The following SLC25A36 variants were observed in gnomAD, a reference collection of about 807,000 sequenced individuals.
SLC25A36 encodes the protein solute carrier family 25 member 36.
SLC25A36 carries 24 observed loss-of-function variants against 35.3 expected under a neutral mutation model. That is an observed-to-expected ratio of 0.68 (90% CI 0.49 to 0.96). SLC25A36 has a LOEUF of 0.96. Among genes scored for constraint, SLC25A36 ranks in the 40% least tolerant of loss-of-function variants. The pLI is 0.00. For missense variants in SLC25A36, 294 were observed against 381.1 expected, an observed-to-expected ratio of 0.77 and a Z score of 1.90; for synonymous variants, 141 against 132.2, an observed-to-expected ratio of 1.07 and a Z score of -0.46.
intron 1 of SLC25A36, among the ~76,000 whole-genome samples, chr3:140,954,499 C>A (rs1436075882): frequency 6.6e-6 from 1 of 152,166 alleles, no homozygotes; most frequent in African/African-American, 2.4e-5. Flanking sequence ...ATTTTTAATT[C>A]CCACCAGCAG....
chr3:140,957,714 C>G (rs111318995), intron 2 of SLC25A36, among the ~76,000 whole-genome samples: 11,374 of 152,094 alleles, frequency 0.075, 534 homozygotes, highest in East Asian at 0.17. Context: ...GTATTCCAGT[C>G]TGGGTGATAC....
At position 140,979,987 on chromosome 3, in the gene SLC25A36, C is replaced by A. The variant is rs977723776; in HGVS notation, c.*3534C>A. On this transcript the variant is annotated 3_prime_UTR_variant, in exon 7 of 7. Coordinates refer to ENST00000324194, the MANE Select transcript of SLC25A36 (RefSeq NM_001104647.3). The stretch of plus-strand genomic sequence containing the variant: ...CAACATTTTATTGAGAACATAATCA[C>A]ACTTTTTTGGATTATCCTATGTGTG... 1 of 152,120 alleles carries A rather than the reference C, an allele frequency of 6.6e-6. No individual in the cohort carries two copies. Among genetic ancestry groups the A allele is most frequent in the East Asian group, 1.9e-4 (1 of 5,206 alleles). 9.4% of individuals were successfully genotyped at this position (152,120 alleles called of 1,614,324 possible). A position where few individuals can be genotyped will look rare whatever the true frequency, so the allele number is the denominator to read the frequency against.
intron 4 of SLC25A36, among the ~76,000 whole-genome samples, chr3:140,969,303 A>T (rs1934842271): frequency 2.0e-5 from 3 of 151,834 alleles, no homozygotes; most frequent in Admixed American, 2.0e-4. Context: ...GAATATATGC[A>T]TGAAAAGAAC....
In SLC25A36 at chr3:140,979,444, G is replaced by A. The variant is rs767493295; in HGVS notation, c.*2991G>A. The stretch of plus-strand genomic sequence containing the variant: ...ACATGCTCTTCTGCCCAGACTGTTA[G>A]TAATCTAGGGACCCCCTTTGGAGCT... On this transcript the variant is annotated 3_prime_UTR_variant, in exon 7 of 7. Transcript: ENST00000324194. The A allele has an allele frequency of 6.6e-6, 1 of 152,094 alleles. No individual in the cohort carries two copies. The highest frequency in any genetic ancestry group is 1.5e-5 in the Non-Finnish European group (1 of 68,002). 9.4% of individuals were successfully genotyped at this position (152,094 alleles called of 1,614,324 possible). A position where few individuals can be genotyped will look rare whatever the true frequency, so the allele number is the denominator to read the frequency against.
rs554439183 is a variant in SLC25A36, at chr3:140,979,280, C to A, written c.*2827C>A. 1.2e-4 allele frequency: 19 copies of A among 152,312 alleles called. No individual in the cohort carries two copies. The highest frequency in any genetic ancestry group is 3.8e-4 in the African/African-American group (16 of 41,588). 9.4% of individuals were successfully genotyped at this position (152,312 alleles called of 1,614,324 possible). On this transcript the variant is annotated 3_prime_UTR_variant, in exon 7 of 7. Transcript: ENST00000324194. ...GGTAAAAATAATGTTTGCTCTATTA[C>A]TGGGTTACAGACATTTCAGCATTTT...
chr3:140,942,019 C>G lies in SLC25A36; in HGVS notation c.-36C>G, dbSNP rs1264965242. Reference sequence around the variant, plus strand: ...CCGTAGCGGGCGGCCAGATCCGCGTCCCGCCTCAGCGGCCGGAGGACATGC... The same window carrying G: ...CCGTAGCGGGCGGCCAGATCCGCGTGCCGCCTCAGCGGCCGGAGGACATGC... On this transcript the variant is annotated 5_prime_UTR_variant, in exon 1 of 7. Transcript: ENST00000324194. 1 of 1,295,962 alleles carries G rather than the reference C, an allele frequency of 7.7e-7. No individual in the cohort carries two copies. 80.3% of individuals were successfully genotyped at this position (1,295,962 alleles called of 1,614,324 possible). A position where few individuals can be genotyped will look rare whatever the true frequency, so the allele number is the denominator to read the frequency against.
At chr3:140,949,349 A>G (rs908406721) in intron 1 of SLC25A36, among the ~76,000 whole-genome samples, 1 of 152,230 alleles carries the variant, frequency 6.6e-6, no homozygotes, top group Admixed American at 6.5e-5. Context: ...ATTCCAGTAA[A>G]TTACCGAGAT....
chr3:140,970,942 C>A lies in SLC25A36; in HGVS notation c.401C>A (p.Thr134Lys). 2 of 1,512,864 alleles carry A rather than the reference C, an allele frequency of 1.3e-6. No homozygotes were observed. The highest frequency in any genetic ancestry group is 1.8e-6 in the Non-Finnish European group (2 of 1,089,016). The allele number at this position is 1,512,864 out of a possible 1,614,324, so 93.7% of individuals were successfully genotyped here. Residue 134 changes from threonine (T) to lysine (K), a missense_variant, in exon 5 of 7, where the codon ACA becomes AAA. Physicochemically the swap from Thr to Lys is moderately conservative, Grantham distance 78. This residue lies in a region of SLC25A36 where 185 missense variants were observed against 201.5 expected (regional missense o/e 0.92). Transcript: ENST00000324194. Reference protein sequence around the residue: ...SAAMAGFTAITATNPIWLIKT... With the variant: ...SAAMAGFTAIKATNPIWLIKT... ...GTTTGTTTAGGTTTTACTGCAATCACAGCAACCAACCCCATTTGGCTTATA... is the reference window on the plus strand; with the variant it reads ...GTTTGTTTAGGTTTTACTGCAATCAAAGCAACCAACCCCATTTGGCTTATA...
At chr3:140,959,302 A>C (rs1934569656) in intron 2 of SLC25A36, among the ~76,000 whole-genome samples, 161 bp from the exon 3 acceptor site, 2 of 152,076 alleles carry the variant, frequency 1.3e-5, no homozygotes. Flanking sequence ...GGCATGAGCC[A>C]CCATGCCTGG....
chr3:140,961,496 A>G (rs977071963), intron 3 of SLC25A36, among the ~76,000 whole-genome samples: 13 of 152,282 alleles, frequency 8.5e-5, no homozygotes, highest in South Asian at 8.3e-4. Context: ...TTTAGGAAGT[A>G]TATTTTTTTA....
At chr3:140,942,271 A>AG (rs1934029790) in intron 1 of SLC25A36, among the ~76,000 whole-genome samples, 176 bp downstream of exon 1, 1 of 14,146 alleles carries the variant, frequency 7.1e-5, no homozygotes, top group Non-Finnish European at 1.4e-4. Flanking sequence ...GTGGGTGGTG[A>AG]GGGGGGCTCC....
At chr3:140,948,427 C>G (rs1934227026) in intron 1 of SLC25A36, among the ~76,000 whole-genome samples, 1 of 152,050 alleles carries the variant, frequency 6.6e-6, no homozygotes, top group African/African-American at 2.4e-5. Flanking sequence ...CATGATCTGC[C>G]CACCTCGGCC....
At chr3:140,942,175 GAGGGGGGT>G (rs1934022065) in intron 1 of SLC25A36, 80 bp downstream of exon 1, 1 of 156,214 alleles carries the variant, frequency 6.4e-6, no homozygotes, top group Non-Finnish European at 1.3e-5. Context: ...GAGGGGGGCC[GAGGGGGGT>G]GGGGGGGTGG....
chr3:140,947,406 A>G (rs1004582318), intron 1 of SLC25A36, among the ~76,000 whole-genome samples: 3 of 151,878 alleles, frequency 2.0e-5, no homozygotes, highest in African/African-American at 7.3e-5. Context: ...GTATCTTACT[A>G]TTTTTCCTTA....
At chr3:140,962,951 A>G (rs1934667772) in intron 3 of SLC25A36, among the ~76,000 whole-genome samples, 176 bp from the exon 4 acceptor site, 1 of 152,030 alleles carries the variant, frequency 6.6e-6, no homozygotes, top group African/African-American at 2.4e-5. Flanking sequence ...TTAATGAGTC[A>G]ATACAGAAAG....
At chr3:140,943,760 A>G (rs1003514993) in intron 1 of SLC25A36, among the ~76,000 whole-genome samples, 1 of 152,220 alleles carries the variant, frequency 6.6e-6, no homozygotes, top group African/African-American at 2.4e-5. Context: ...TGCGTTCAGG[A>G]TTCATGTATC....
chr3:140,946,025 A>T (rs1251437789), intron 1 of SLC25A36, among the ~76,000 whole-genome samples: 1 of 152,180 alleles, frequency 6.6e-6, no homozygotes, highest in African/African-American at 2.4e-5. Context: ...GTTTACTGGT[A>T]TAGTTCAGAT....
At chr3:140,971,305 C>CA (rs1002391640) in intron 5 of SLC25A36, among the ~76,000 whole-genome samples, 15 of 152,094 alleles carry the variant, frequency 9.9e-5, no homozygotes, top group African/African-American at 3.4e-4. Context: ...ACTTTCCTTA[C>CA]ATGGGTACTT....
At chr3:140,962,662 G>T (rs1290978883) in intron 3 of SLC25A36, among the ~76,000 whole-genome samples, 1 of 152,010 alleles carries the variant, frequency 6.6e-6, no homozygotes, top group African/African-American at 2.4e-5. Context: ...TATATGTTAA[G>T]TGCTCATACC....
Sources: allele counts gnomAD v4.1 joint callset (sites outside exome capture counted in the v4.1 genomes callset), GRCh38; gene constraint gnomAD v4.1.1; regional missense constraint gnomAD v4.1.1; transcripts MANE v1.5; gene names NCBI Gene and HGNC (gene_info 2026-07-23, HGNC 2026-07-21).